CALN1: variants seen among roughly 807,000 people sequenced by gnomAD.
CALN1 encodes the protein calneuron 1, also known as calcium-binding protein 8.
Under a neutral mutation model 30.6 loss-of-function variants are expected in CALN1, and 17 were observed. The ratio of observed to expected loss-of-function variants is 0.56; its 90% CI spans 0.38 to 0.83. The LOEUF is 0.83. Among genes scored for constraint, CALN1 ranks in the 40% least tolerant of loss-of-function variants. The pLI is 0.00. For synonymous variants in CALN1, 156 were observed against 131.4 expected (o/e 1.19, Z -1.28); for missense variants, 291 against 354.9 (o/e 0.82, Z 1.45).
intron 6 of CALN1, among the ~76,000 whole-genome samples, chr7:71,797,046 A>G (rs1009718546): frequency 1.3e-5 from 2 of 152,152 alleles, no homozygotes; most frequent in Admixed American, 6.5e-5. Flanking sequence ...TCCTGGAGAG[A>G]GTCATCTGCA....
intron 5 of CALN1, among the ~76,000 whole-genome samples, chr7:71,910,512 G>A (rs1794372801): frequency 6.6e-6 from 1 of 152,182 alleles, no homozygotes; most frequent in African/African-American, 2.4e-5. Context: ...ACAGACAGAT[G>A]AACCAAGTTG....
At chr7:72,378,782 G>A (rs2129560702) in intron 2 of CALN1, among the ~76,000 whole-genome samples, 1 of 151,918 alleles carries the variant, frequency 6.6e-6, no homozygotes, top group Non-Finnish European at 1.5e-5. Context: ...TGGCCAGGCT[G>A]GTCTTGAACT....
chr7:71,814,834 C>CTT (rs201392659), intron 5 of CALN1, among the ~76,000 whole-genome samples: 35 of 142,234 alleles, frequency 2.5e-4, no homozygotes, highest in East Asian at 6.4e-4. Context: ...AGTTAATCAA[C>CTT]TTTTTTTTTT....
Position 71,783,699 on chromosome 7 carries a change from G to C in CALN1, c.*4076C>G, listed in dbSNP as rs1434422304. ...TGTCTTTGATTTATGACCTGAGTCT[G>C]GACTTAAACCGAGTACGAGGCATTT... is the stretch of plus-strand genomic sequence containing the variant. On this transcript the variant is annotated 3_prime_UTR_variant, in exon 7 of 7. Transcript: ENST00000395275. 16 of 152,682 alleles carry C rather than the reference G, an allele frequency of 1.0e-4. No individual in the cohort carries two copies. The allele number at this position is 152,682 out of a possible 1,614,324, so 9.5% of individuals were successfully genotyped here.
At chr7:72,244,485 A>G (rs544699215) in intron 3 of CALN1, among the ~76,000 whole-genome samples, 73 of 152,254 alleles carry the variant, frequency 4.8e-4, no homozygotes, top group Non-Finnish European at 7.2e-4. Flanking sequence ...TATAAACAAG[A>G]AAACAGAAAA....
chr7:71,857,058 G>C (rs1419766166), intron 5 of CALN1, among the ~76,000 whole-genome samples: 4 of 147,240 alleles, frequency 2.7e-5, no homozygotes, highest in Non-Finnish European at 5.9e-5. Flanking sequence ...GTGTGTGTGT[G>C]TTGCAAACTA....
At chr7:72,335,042 A>G (rs1801920316) in intron 2 of CALN1, among the ~76,000 whole-genome samples, 1 of 152,192 alleles carries the variant, frequency 6.6e-6, no homozygotes. Flanking sequence ...CCTGGAATGA[A>G]TCCTAAACTG....
chr7:72,370,375 T>C (rs1299795797), intron 2 of CALN1, among the ~76,000 whole-genome samples: 3 of 152,186 alleles, frequency 2.0e-5, no homozygotes, highest in African/African-American at 7.2e-5. Context: ...TTCATATGCT[T>C]TAGATATAAG....
intron 1 of CALN1, among the ~76,000 whole-genome samples, chr7:72,432,038 T>C (rs1807995416): frequency 6.6e-6 from 1 of 152,142 alleles, no homozygotes; most frequent in Admixed American, 6.6e-5. Flanking sequence ...CTTTGAGGAT[T>C]GATATGATTT....
At chr7:71,916,605 T>C (rs1052108124) in intron 5 of CALN1, among the ~76,000 whole-genome samples, 1 of 151,682 alleles carries the variant, frequency 6.6e-6, no homozygotes, top group Non-Finnish European at 1.5e-5. Context: ...CACTTATAAG[T>C]GGGAGCTGAA....
intron 2 of CALN1, among the ~76,000 whole-genome samples, chr7:72,384,344 T>C (rs1484315854): frequency 3.3e-5 from 5 of 152,176 alleles, no homozygotes; most frequent in Admixed American, 6.6e-5. Context: ...CGTATGTTGA[T>C]TTCAACAAAT....
chr7:72,085,709 G>A (rs1805441382), intron 4 of CALN1, among the ~76,000 whole-genome samples: 1 of 152,132 alleles, frequency 6.6e-6, no homozygotes, highest in African/African-American at 2.4e-5. Context: ...TTTTACTGCT[G>A]TTTATAATTG....
intron 2 of CALN1, among the ~76,000 whole-genome samples, chr7:72,296,745 TTC>T (rs1270781023): frequency 4.6e-5 from 7 of 150,996 alleles, no homozygotes; most frequent in Non-Finnish European, 1.0e-4. Flanking sequence ...TATTTGATTC[TTC>T]TCTCTTTTTT....
intron 3 of CALN1, 112 bp downstream of exon 3, chr7:72,278,574 C>T (rs1797516265): frequency 8.3e-6 from 12 of 1,447,934 alleles, no homozygotes; most frequent in Non-Finnish European, 1.1e-5. Flanking sequence ...CTACACTTGG[C>T]CACAACTGCC....
Position 71,864,099 on chromosome 7 carries a change from C to T in CALN1, c.502-53607G>A, listed in dbSNP as rs1371045496. Among the ~76,000 whole-genome samples the T allele has an allele frequency of 3.3e-5, 5 of 152,176 alleles. No individual in the cohort carries two copies. The East Asian group carries it at 7.7e-4, about 24-fold the overall frequency. On this transcript the variant is annotated intron_variant, in intron 5 of 6. Coordinates refer to ENST00000395275, the MANE Select transcript of CALN1 (RefSeq NM_031468.4). Reference sequence around the variant, plus strand: ...AATGTTTAAATAAGATCCTCCCCCCCGATTACAATTCTTCAAATAGCTTCT... The same window carrying T: ...AATGTTTAAATAAGATCCTCCCCCCTGATTACAATTCTTCAAATAGCTTCT...
intron 2 of CALN1, among the ~76,000 whole-genome samples, chr7:72,381,756 G>A (rs933375321): frequency 6.6e-6 from 1 of 152,146 alleles, no homozygotes; most frequent in Admixed American, 6.5e-5. Context: ...TGCATGCAGG[G>A]CTTAAAACCT....
At position 71,872,023 on chromosome 7, in the gene CALN1, C is replaced by T. The variant is rs115197518; in HGVS notation, c.502-61531G>A. The stretch of plus-strand genomic sequence containing the variant: ...CTACTAGGCACTTGAAAATGCCTAA[C>T]GCAATAAGATAACTTTTAATGTTAT... On this transcript the variant is annotated intron_variant, in intron 5 of 6. Coordinates refer to ENST00000395275, the MANE Select transcript of CALN1 (RefSeq NM_031468.4). 1.8e-3 allele frequency among the ~76,000 whole-genome samples: 280 copies of T among 152,252 alleles called. 1 individual carries two copies. The highest frequency in any genetic ancestry group is 6.1e-3 in the African/African-American group (254 of 41,548).
intron 6 of CALN1, among the ~76,000 whole-genome samples, chr7:71,805,220 C>T (rs1787535912): frequency 6.6e-6 from 1 of 152,156 alleles, no homozygotes; most frequent in Non-Finnish European, 1.5e-5. Flanking sequence ...ATGGGCTCTT[C>T]CACCTTCTGA....
intron 2 of CALN1, among the ~76,000 whole-genome samples, chr7:72,280,393 T>C (rs1797656467): frequency 6.6e-6 from 1 of 152,224 alleles, no homozygotes; most frequent in Non-Finnish European, 1.5e-5. Context: ...GGCAGGATGC[T>C]GATTACAAAG....
Sources: gnomAD v4.1 joint callset for allele counts (sites outside exome capture counted in the v4.1 genomes callset) on GRCh38, gnomAD v4.1.1 for gene constraint, MANE v1.5 for transcripts, NCBI Gene and HGNC (gene_info 2026-07-23, HGNC 2026-07-21) for gene names.